RIT2: variants seen among roughly 807,000 people sequenced by gnomAD.
RIT2 encodes GTP-binding protein Rit2.
A neutral mutation model predicts 23.7 loss-of-function variants in RIT2; 24 were observed. That is an observed-to-expected ratio of 1.01 (90% CI 0.73 to 1.43). RIT2 has a LOEUF of 1.43. RIT2 is among the 40% of genes most tolerant of loss of function. The pLI, the probability that RIT2 is intolerant of heterozygous loss-of-function variation, is 0.00. For missense variants in RIT2, 236 were observed against 266.9 expected (o/e 0.88, Z 0.81); for synonymous variants, 107 against 91.1 (o/e 1.17, Z -0.99).
At chr18:42,960,958 T>C (rs1268072636) in intron 3 of RIT2, among the ~76,000 whole-genome samples, 1 of 152,216 alleles carries the variant, frequency 6.6e-6, no homozygotes, top group Non-Finnish European at 1.5e-5. Flanking sequence ...TTTTAATGGT[T>C]AATTTTTTTG....
chr18:42,865,151 C>A (rs111250321), intron 4 of RIT2, among the ~76,000 whole-genome samples: 7 of 152,192 alleles, frequency 4.6e-5, no homozygotes, highest in Admixed American at 2.0e-4. Flanking sequence ...AACAATCCCT[C>A]ACAACAAACT....
Position 42,863,850 on chromosome 18 carries a change from G to T in RIT2, c.426+59722C>A, listed in dbSNP as rs17641662. Among the ~76,000 whole-genome samples the T allele has an allele frequency of 2.3e-3, 353 of 152,206 alleles. 5 individuals are homozygous for T. Among genetic ancestry groups the T allele is most frequent in the Admixed American group, 2.6e-3 (39 of 15,274 alleles). On this transcript the variant is annotated intron_variant, in intron 4 of 4. Transcript: ENST00000326695. ...GCCCCTTTCAAATGGTCAGCAAAGG[G>T]TGTGTATTTCAAGAATAAGTCTAAA...
chr18:43,114,970 G>T (rs1376643322), intron 1 of RIT2, among the ~76,000 whole-genome samples: 1 of 152,102 alleles, frequency 6.6e-6, no homozygotes. Flanking sequence ...CCTAATGAAA[G>T]AAACAAACAC....
intron 2 of RIT2, among the ~76,000 whole-genome samples, chr18:42,994,297 C>T (rs1270042200): frequency 6.6e-6 from 1 of 152,096 alleles, no homozygotes. Flanking sequence ...CTTCTCCATC[C>T]GTTACCTAGC....
intron 4 of RIT2, among the ~76,000 whole-genome samples, chr18:42,918,452 A>G (rs564585635): frequency 1.3e-5 from 2 of 152,288 alleles, no homozygotes; most frequent in South Asian, 2.1e-4. Context: ...GAATTTGGCT[A>G]TCTATCCCAA....
At chr18:43,112,909 T>G (rs1598790422) in intron 1 of RIT2, among the ~76,000 whole-genome samples, 1 of 152,136 alleles carries the variant, frequency 6.6e-6, no homozygotes, top group Non-Finnish European at 1.5e-5. Flanking sequence ...TTTAGTTTCT[T>G]CAGAAGAGCA....
chr18:42,870,284 C>T (rs572325946), intron 4 of RIT2, among the ~76,000 whole-genome samples: 12 of 152,128 alleles, frequency 7.9e-5, no homozygotes, highest in African/African-American at 1.2e-4. Context: ...TTTTTTGAGA[C>T]GCAGTCAGTA....
rs557188040 is a variant in RIT2, at chr18:43,111,329, T to C, written c.103+4088A>G. ...TAGTAGGAAGAGGGAGTGGAGATGG[T>C]TAATGGGTACAAAATTGTGGTTAGA... On this transcript the variant is annotated intron_variant, in intron 1 of 4. Transcript: ENST00000326695. Among the ~76,000 whole-genome samples the C allele has an allele frequency of 4.6e-5, 7 of 152,266 alleles. No individual in the cohort carries two copies. The South Asian group carries it at 1.2e-3, about 27-fold the overall frequency.
chr18:42,785,873 A>G (rs899179793), intron 4 of RIT2, among the ~76,000 whole-genome samples: 1 of 152,180 alleles, frequency 6.6e-6, no homozygotes, highest in African/African-American at 2.4e-5. Context: ...TAACTTGCCC[A>G]AAGCAATGCA....
intron 2 of RIT2, among the ~76,000 whole-genome samples, chr18:43,033,383 G>A (rs1166999117): frequency 2.6e-5 from 4 of 152,034 alleles, no homozygotes; most frequent in East Asian, 1.9e-4. Context: ...TATATCTAAC[G>A]TTCCAAATGC....
chr18:43,102,977 A>T (rs1378602117), intron 1 of RIT2, among the ~76,000 whole-genome samples: 1 of 151,990 alleles, frequency 6.6e-6, no homozygotes, highest in Non-Finnish European at 1.5e-5. Context: ...TTATATCTTA[A>T]TTGTTTGTGA....
intron 2 of RIT2, among the ~76,000 whole-genome samples, chr18:43,023,935 A>G (rs1164034911): frequency 6.6e-6 from 1 of 152,108 alleles, no homozygotes; most frequent in Non-Finnish European, 1.5e-5. Context: ...TAAGAAAAGT[A>G]TTCCAGGAAA....
chr18:42,888,084 C>T (rs1908069683), intron 4 of RIT2, among the ~76,000 whole-genome samples: 1 of 151,882 alleles, frequency 6.6e-6, no homozygotes, highest in African/African-American at 2.4e-5. Flanking sequence ...ATGAATTATG[C>T]CACCATGGAT....
In RIT2 at chr18:42,743,254, T is replaced by C. The variant is rs912014565; in HGVS notation, c.*239A>G. ...AGGCAATTGGAATGTCAATTTTATTTAGTACTATGTTGTAAAAACTAAACA... is the reference window on the plus strand; with the variant it reads ...AGGCAATTGGAATGTCAATTTTATTCAGTACTATGTTGTAAAAACTAAACA... On this transcript the variant is annotated 3_prime_UTR_variant, in exon 5 of 5. Transcript: ENST00000326695. 8 of 490,510 alleles carry C rather than the reference T, an allele frequency of 1.6e-5. No homozygotes were observed. The highest frequency in any genetic ancestry group is 1.1e-5 in the Non-Finnish European group (3 of 276,056). The allele number at this position is 490,510 out of a possible 1,614,324, so 30.4% of individuals were successfully genotyped here.
In RIT2 at chr18:43,018,182, C is replaced by T. The variant is rs145531555; in HGVS notation, c.160+15629G>A. ...TCCCTTTCCCTCACACTGCCCCTAA[C>T]GCGAAGAGTGATCAGAGTAGCCACA... On this transcript the variant is annotated intron_variant, in intron 2 of 4. Coordinates refer to ENST00000326695, the MANE Select transcript of RIT2 (RefSeq NM_002930.4). 1.8e-3 allele frequency among the ~76,000 whole-genome samples: 280 copies of T among 152,096 alleles called. 1 individual carries two copies. Among genetic ancestry groups the T allele is most frequent in the Middle Eastern group, 0.014 (4 of 294 alleles).
chr18:42,853,178 T>G (rs1907101128), intron 4 of RIT2, among the ~76,000 whole-genome samples: 2 of 152,292 alleles, frequency 1.3e-5, no homozygotes, highest in East Asian at 3.9e-4. Context: ...TTGTGACACC[T>G]GTCGTGTATG....
intron 2 of RIT2, among the ~76,000 whole-genome samples, chr18:42,990,907 G>GT (rs1173693509): frequency 0.014 from 922 of 66,192 alleles, 8 homozygotes; most frequent in African/African-American, 0.039. Context: ...TGCTACACTG[G>GT]TTTTGTTTTT....
chr18:43,016,166 A>G (rs182967321), intron 2 of RIT2, among the ~76,000 whole-genome samples: 2 of 152,012 alleles, frequency 1.3e-5, no homozygotes, highest in Admixed American at 6.6e-5. Context: ...AGATGCATCA[A>G]CTTTTATTTA....
chr18:42,808,967 A>G (rs536552028), intron 4 of RIT2, among the ~76,000 whole-genome samples: 55 of 152,262 alleles, frequency 3.6e-4, no homozygotes, highest in African/African-American at 1.3e-3. Flanking sequence ...ACGTTAAAAT[A>G]AAAAGAGAGC....
Sources: allele counts gnomAD v4.1 joint callset (sites outside exome capture counted in the v4.1 genomes callset), GRCh38; gene constraint gnomAD v4.1.1; transcripts MANE v1.5; gene names NCBI Gene and HGNC (gene_info 2026-07-23, HGNC 2026-07-21).